The following ASTN2 variants were observed in gnomAD, a reference collection of about 807,000 sequenced individuals.
ASTN2 encodes the protein astrotactin-2.
In ASTN2, 54 loss-of-function variants were observed where a neutral mutation model predicts 139.8. That is an observed-to-expected ratio of 0.39 (90% CI 0.31 to 0.48). ASTN2 has a LOEUF of 0.48. Among genes scored for constraint, ASTN2 ranks in the 20% least tolerant of loss-of-function variants. ASTN2 has a pLI of 0.95. For synonymous variants in ASTN2, 756 were observed against 719.5 expected (o/e 1.05, Z -0.81); for missense variants, 1,565 against 1,725.1 (o/e 0.91, Z 1.64).
rs1243537285 is a variant in ASTN2, at chr9:116,659,281, T to C, written c.2807-7488A>G. 2.6e-5 allele frequency among the ~76,000 whole-genome samples: 4 copies of C among 152,164 alleles called. 1 individual carries two copies. In the South Asian group the frequency reaches 6.2e-4, roughly 24 times the overall value. On this transcript the variant is annotated intron_variant, in intron 16 of 22. Coordinates refer to ENST00000313400, the MANE Select transcript of ASTN2 (RefSeq NM_001365068.1). The stretch of plus-strand genomic sequence containing the variant: ...GACCATGGCCATTTTTAATGAACAT[T>C]TGCATTCCAAGCACAGAGTTCACTG...
chr9:117,319,667 C>A (rs765611404), intron 1 of ASTN2, among the ~76,000 whole-genome samples: 1 of 151,714 alleles, frequency 6.6e-6, no homozygotes, highest in East Asian at 1.9e-4. Flanking sequence ...AACTCCTGGC[C>A]TCAAGTGATC....
chr9:116,933,465 T>A (rs558261820), intron 10 of ASTN2, among the ~76,000 whole-genome samples: 2 of 152,240 alleles, frequency 1.3e-5, no homozygotes, highest in Non-Finnish European at 2.9e-5. Flanking sequence ...TTCTGCCTCA[T>A]GTTTATGAGA....
At chr9:116,602,321 T>G (rs1854944209) in intron 19 of ASTN2, among the ~76,000 whole-genome samples, 1 of 152,114 alleles carries the variant, frequency 6.6e-6, no homozygotes, top group Non-Finnish European at 1.5e-5. Flanking sequence ...GATGCAATGT[T>G]TTGTTTGTGT....
rs555111366 is a variant in ASTN2, at chr9:116,869,077, C to T, written c.1890-5344G>A. 4.2e-4 allele frequency among the ~76,000 whole-genome samples: 64 copies of T among 151,920 alleles called. 1 individual carries two copies. In the South Asian group the frequency reaches 0.012, roughly 28 times the overall value. ...GTGGGTGCCTGTAATCCCAGCTACT[C>T]GGGAGGCTGAAGCAGGAGAATTGCT... On this transcript the variant is annotated intron_variant, in intron 10 of 22. Transcript: ENST00000313400.
chr9:116,904,029 G>T (rs960763420), intron 10 of ASTN2, among the ~76,000 whole-genome samples: 2 of 152,192 alleles, frequency 1.3e-5, no homozygotes, highest in Non-Finnish European at 2.9e-5. Context: ...GTCTCCCAGG[G>T]TTGAGAGTTT....
At chr9:116,653,505 G>A (rs1858040333) in intron 16 of ASTN2, among the ~76,000 whole-genome samples, 1 of 152,200 alleles carries the variant, frequency 6.6e-6, no homozygotes, top group Non-Finnish European at 1.5e-5. Context: ...TATGAGAATG[G>A]TATCCTCACA....
intron 3 of ASTN2, among the ~76,000 whole-genome samples, chr9:117,212,739 A>G (rs1832179762): frequency 6.6e-6 from 1 of 152,238 alleles, no homozygotes; most frequent in Non-Finnish European, 1.5e-5. Context: ...GCAATGAGGT[A>G]TAATCTCATC....
chr9:116,472,913 C>G (rs983862822), intron 20 of ASTN2, among the ~76,000 whole-genome samples: 1 of 127,804 alleles, frequency 7.8e-6, no homozygotes, highest in Non-Finnish European at 1.6e-5. Flanking sequence ...GGCAACAGAG[C>G]GAGACTCTGT....
chr9:116,995,983 G>A (rs956800182), intron 7 of ASTN2, among the ~76,000 whole-genome samples: 1 of 152,120 alleles, frequency 6.6e-6, no homozygotes, highest in Non-Finnish European at 1.5e-5. Context: ...AGGACTACAG[G>A]TGCATGCCAC....
intron 7 of ASTN2, among the ~76,000 whole-genome samples, chr9:116,995,171 A>T (rs1216594923): frequency 6.6e-6 from 1 of 152,226 alleles, no homozygotes; most frequent in Non-Finnish European, 1.5e-5. Flanking sequence ...TTCACATGTT[A>T]TCTATCCTTC....
chr9:116,803,507 TATATATATA>T (rs1830937583), intron 13 of ASTN2, among the ~76,000 whole-genome samples: 1 of 7,728 alleles, frequency 1.3e-4, no homozygotes, highest in Non-Finnish European at 2.2e-4. Flanking sequence ...TATATATATA[TATATATATA>T]TATATATTTT....
At chr9:117,005,736 T>C (rs1837335487) in intron 7 of ASTN2, among the ~76,000 whole-genome samples, 1 of 108,214 alleles carries the variant, frequency 9.2e-6, no homozygotes, top group Non-Finnish European at 1.9e-5. Flanking sequence ...AGTACATACT[T>C]CTCTCTCTCT....
chr9:117,046,663 C>T (rs1299259034), intron 5 of ASTN2, among the ~76,000 whole-genome samples: 2 of 152,212 alleles, frequency 1.3e-5, no homozygotes, highest in Non-Finnish European at 2.9e-5. Context: ...CCCCCGTGGA[C>T]AAGTCATGTC....
chr9:116,503,548 T>G (rs1849979438), intron 19 of ASTN2, among the ~76,000 whole-genome samples: 1 of 152,212 alleles, frequency 6.6e-6, no homozygotes, highest in Non-Finnish European at 1.5e-5. Context: ...TTTTTCCTAC[T>G]GTTTAATAAC....
chr9:116,953,887 C>T (rs1835635240), intron 10 of ASTN2, among the ~76,000 whole-genome samples: 1 of 152,200 alleles, frequency 6.6e-6, no homozygotes, highest in Non-Finnish European at 1.5e-5. Flanking sequence ...GTCATCTGTC[C>T]ATCAAGTCCA....
At chr9:116,781,118 G>A (rs1368569535) in intron 13 of ASTN2, among the ~76,000 whole-genome samples, 1 of 152,150 alleles carries the variant, frequency 6.6e-6, no homozygotes, top group Non-Finnish European at 1.5e-5. Flanking sequence ...GGGATTACAT[G>A]AGCCACCCTG....
At chr9:116,727,836 G>A (rs1828672417) in intron 15 of ASTN2, among the ~76,000 whole-genome samples, 1 of 152,124 alleles carries the variant, frequency 6.6e-6, no homozygotes, top group Non-Finnish European at 1.5e-5. Context: ...GATAAATAAT[G>A]TCTTCCTCAC....
At chr9:117,336,909 A>G (rs1245651226) in intron 1 of ASTN2, among the ~76,000 whole-genome samples, 1 of 152,168 alleles carries the variant, frequency 6.6e-6, no homozygotes, top group Non-Finnish European at 1.5e-5. Context: ...AAAAATAAAT[A>G]TAAAACACCA....
chr9:117,358,780 A>C (rs1829615924), intron 1 of ASTN2, among the ~76,000 whole-genome samples: 1 of 152,026 alleles, frequency 6.6e-6, no homozygotes, highest in South Asian at 2.1e-4. Context: ...GCCTCCCTCC[A>C]AACCCCTCAA....
Sources: allele counts gnomAD v4.1 joint callset (sites outside exome capture counted in the v4.1 genomes callset), GRCh38; gene constraint gnomAD v4.1.1; transcripts MANE v1.5; gene names NCBI Gene and HGNC (gene_info 2026-07-23, HGNC 2026-07-21).